The following PTPRQ variants were observed in gnomAD, a reference collection of about 807,000 sequenced individuals.
PTPRQ encodes phosphatidylinositol phosphatase PTPRQ.
A neutral mutation model predicts 246.0 loss-of-function variants in PTPRQ; 199 were observed. That is an observed-to-expected ratio of 0.81 (90% CI 0.72 to 0.91). PTPRQ has a LOEUF of 0.91. Ranked by LOEUF, PTPRQ falls within the 40% of genes least tolerant of loss-of-function variation. The probability of loss-of-function intolerance (pLI) is 0.00; values close to 1 mark genes in which losing one functional copy is unlikely to be tolerated. For missense variants in PTPRQ, 2,624 were observed against 2,528.4 expected, an observed-to-expected ratio of 1.04 and a Z score of -0.81; for synonymous variants, 869 against 853.2, an observed-to-expected ratio of 1.02 and a Z score of -0.32.
At chr12:80,676,196 T>C (rs1901131130) in intron 43 of PTPRQ, among the ~76,000 whole-genome samples, 1 of 152,200 alleles carries the variant, frequency 6.6e-6, no homozygotes. Context: ...TATTTTCTTC[T>C]CCTGCACTCC....
Position 80,678,639 on chromosome 12 carries a change from T to A in PTPRQ, c.6776T>A (p.Leu2259His). 6.4e-7 allele frequency: 1 copy of A among 1,550,562 alleles called. No homozygotes were observed. The highest frequency in any genetic ancestry group is 1.2e-5 in the South Asian group (1 of 83,956). ...YIFLHQCILD[L>H]LSNKGSNQPI... ...TTTTTACACCAGTGCATTCTGGATC[T>A]CTTATCAAATAAGGGAAGTAATCAG... The change falls in exon 44 of 45, where the codon CTC (leucine) becomes CAC (histidine). Residue 2259 changes from leucine to histidine, a missense_variant. Coordinates refer to ENST00000644991, the MANE Select transcript of PTPRQ (RefSeq NM_001145026.2).
intron 38 of PTPRQ, among the ~76,000 whole-genome samples, chr12:80,656,154 A>T (rs905800908): frequency 6.6e-6 from 1 of 152,196 alleles, no homozygotes; most frequent in African/African-American, 2.4e-5. Flanking sequence ...TGGGACATAA[A>T]TCATTTGCAG....
At chr12:80,524,387 C>T (rs982720596) in intron 17 of PTPRQ, among the ~76,000 whole-genome samples, 4 of 152,094 alleles carry the variant, frequency 2.6e-5, no homozygotes, top group African/African-American at 9.7e-5. Context: ...CTTTTGCCTG[C>T]TGCCATGATT....
At chr12:80,505,225 T>A (rs962135884) in intron 14 of PTPRQ, among the ~76,000 whole-genome samples, 5 of 152,062 alleles carry the variant, frequency 3.3e-5, no homozygotes, top group South Asian at 2.1e-4. Flanking sequence ...AGCTTCCTTC[T>A]CAGGATTTCT....
chr12:80,645,221 C>A (rs1900029870), intron 35 of PTPRQ, among the ~76,000 whole-genome samples: 1 of 151,988 alleles, frequency 6.6e-6, no homozygotes, highest in Admixed American at 6.6e-5. Flanking sequence ...TTTTATTGTT[C>A]ATTTATCTAA....
At chr12:80,577,541 T>C (rs552510326) in intron 25 of PTPRQ, among the ~76,000 whole-genome samples, 70 of 152,292 alleles carry the variant, frequency 4.6e-4, no homozygotes, top group African/African-American at 1.6e-3. Flanking sequence ...CCAAACCATA[T>C]TGGCCTCCAA....
intron 17 of PTPRQ, among the ~76,000 whole-genome samples, chr12:80,530,580 A>T (rs745443749): frequency 1.8e-4 from 27 of 152,210 alleles, no homozygotes; most frequent in Non-Finnish European, 3.8e-4. Flanking sequence ...AATATAAAAA[A>T]CCATAAATAA....
intron 10 of PTPRQ, among the ~76,000 whole-genome samples, chr12:80,494,478 G>C (rs1283781469): frequency 6.6e-6 from 1 of 151,822 alleles, no homozygotes; most frequent in Non-Finnish European, 1.5e-5. Flanking sequence ...ACTAAAACCT[G>C]GTATTGATTT....
chr12:80,576,204 C>T (rs2051964165), intron 25 of PTPRQ, among the ~76,000 whole-genome samples: 2 of 152,066 alleles, frequency 1.3e-5, no homozygotes, highest in South Asian at 2.1e-4. Flanking sequence ...TGCAGTGGCA[C>T]AATCTCGGCT....
Position 80,610,435 on chromosome 12 carries a change from A to T in PTPRQ, c.4732-4A>T. On this transcript the variant is annotated splice_region_variant and splice_polypyrimidine_tract_variant and intron_variant, in intron 27 of 44. Transcript: ENST00000644991. ...CCTTAATTTTTACTTATATTTTCCT[A>T]TAGGTAGATAATGATGAATTTAATA... is the stretch of plus-strand genomic sequence containing the variant. 1 of 1,470,706 alleles carries T rather than the reference A, an allele frequency of 6.8e-7. No homozygotes were observed. The highest frequency in any genetic ancestry group is 9.0e-7 in the Non-Finnish European group (1 of 1,107,706). 91.1% of individuals were successfully genotyped at this position (1,470,706 alleles called of 1,614,324 possible).
At chr12:80,652,164 TATC>T (rs1900279941) in intron 37 of PTPRQ, among the ~76,000 whole-genome samples, 1 of 152,114 alleles carries the variant, frequency 6.6e-6, no homozygotes, top group South Asian at 2.1e-4. Flanking sequence ...AGATAGATAA[TATC>T]ATAAATTTTC....
intron 23 of PTPRQ, among the ~76,000 whole-genome samples, chr12:80,543,344 T>TA (rs1389845705): frequency 1.3e-5 from 2 of 151,584 alleles, no homozygotes; most frequent in African/African-American, 2.4e-5. Context: ...CTTATTTTTT[T>TA]TTTATTTTCA....
chr12:80,673,301 T>TCTGGTA lies in PTPRQ; in HGVS notation c.6736_6738+3dup. 6.5e-7 allele frequency: 1 copy of TCTGGTA among 1,547,948 alleles called. No homozygotes were observed. The highest frequency in any genetic ancestry group is 2.0e-5 in the Admixed American group (1 of 50,560). ...GTGAAAGAATGTGCATGGTGCAGAA[T>TCTGGTA]CTGGTAAGATCTCTAAACCTGCACT... On this transcript the variant is annotated inframe_insertion, in exon 43 of 45. Coordinates refer to ENST00000644991, the MANE Select transcript of PTPRQ (RefSeq NM_001145026.2).
chr12:80,468,642 G>T, intron 6 of PTPRQ, 68 bp from the exon 7 acceptor site: 1 of 1,331,376 alleles, frequency 7.5e-7, no homozygotes, highest in Non-Finnish European at 9.8e-7. Flanking sequence ...GTTTTATTAT[G>T]TGTATTTAAT....
At chr12:80,668,712 C>T (rs1413966368) in intron 39 of PTPRQ, among the ~76,000 whole-genome samples, 2 of 151,942 alleles carry the variant, frequency 1.3e-5, no homozygotes, top group Non-Finnish European at 2.9e-5. Flanking sequence ...TACAAAGACT[C>T]AGACTTAAGA....
At chr12:80,533,722 G>A (rs1739985419) in intron 17 of PTPRQ, among the ~76,000 whole-genome samples, 1 of 151,952 alleles carries the variant, frequency 6.6e-6, no homozygotes, top group Non-Finnish European at 1.5e-5. Context: ...AATTACTTTA[G>A]TACATAGTAT....
rs1565841094 is a variant in PTPRQ at position 80,649,579 on chromosome 12, T to TA, written c.5943-8dup. On this transcript the variant is annotated splice_polypyrimidine_tract_variant and intron_variant, in intron 36 of 44. Transcript: ENST00000644991. ...CATGACCCTATTTTATACCTTTCTTTACTTGGAGGCCAATAAGCAAGAAAT... is the reference window on the plus strand; with the variant it reads ...CATGACCCTATTTTATACCTTTCTTTAACTTGGAGGCCAATAAGCAAGAAAT... 1 of 1,549,900 alleles carries TA rather than the reference T, an allele frequency of 6.5e-7. No homozygotes were observed. Among genetic ancestry groups the TA allele is most frequent in the South Asian group, 1.2e-5 (1 of 83,852 alleles).
chr12:80,565,060 A>G lies in PTPRQ; in HGVS notation c.4285+15326A>G, dbSNP rs572730749. Reference sequence around the variant, plus strand: ...AACTAAAAATATTGTGAGTTAACGTAATAAGATCTGTAAAATACTGAGGCC... The same window carrying G: ...AACTAAAAATATTGTGAGTTAACGTGATAAGATCTGTAAAATACTGAGGCC... On this transcript the variant is annotated intron_variant, in intron 25 of 44. Transcript: ENST00000644991. Among the ~76,000 whole-genome samples, 3 of 152,372 alleles carry G rather than the reference A, an allele frequency of 2.0e-5. No homozygotes were observed. The South Asian group carries it at 6.2e-4, about 32-fold the overall frequency.
chr12:80,483,315 G>A (rs867024541), intron 8 of PTPRQ, among the ~76,000 whole-genome samples: 6 of 141,660 alleles, frequency 4.2e-5, no homozygotes, highest in African/African-American at 1.6e-4. Context: ...TCATAGATGG[G>A]AATTGAACAA....
Sources: allele counts gnomAD v4.1 joint callset (sites outside exome capture counted in the v4.1 genomes callset), GRCh38; gene constraint gnomAD v4.1.1; transcripts MANE v1.5; gene names NCBI Gene and HGNC (gene_info 2026-07-23, HGNC 2026-07-21).